ZNF469: variants seen among roughly 807,000 people sequenced by gnomAD.
ZNF469 encodes the protein zinc finger protein 469.
In ZNF469, 1 loss-of-function variant was observed where a neutral mutation model predicts 1.0. The ratio of observed to expected loss-of-function variants is 1.00; its 90% CI spans 0.35 to 4.73. ZNF469 has a LOEUF of 4.73. Ranked by LOEUF, ZNF469 falls within the 30% of genes most tolerant of loss-of-function variation. The pLI is 0.16. For missense variants in ZNF469, 6,100 were observed against 5,356.3 expected, an observed-to-expected ratio of 1.14 and a Z score of -4.33; for synonymous variants, 2,703 against 2,363.4, an observed-to-expected ratio of 1.14 and a Z score of -4.17.
Position 88,436,930 on chromosome 16 carries a change from G to C in ZNF469, c.9460G>C (p.Gly3154Arg). The change falls in exon 3 of 3, where the codon GGC becomes CGC. Residue 3154 changes from glycine (G) to arginine (R), a missense_variant. By Grantham distance (125) the Gly-to-Arg change is moderately radical (BLOSUM62 -2). Coordinates refer to ENST00000565624, the MANE Select transcript of ZNF469 (RefSeq NM_001367624.2). ...TCYMCVERRF[G>R]SRELLRGHLQ... The stretch of plus-strand genomic sequence containing the variant: ...CTACATGTGCGTGGAGCGCAGGTTT[G>C]GCTCGCGGGAGCTGCTGCGGGGGCA... 1 of 1,494,080 alleles carries C rather than the reference G, an allele frequency of 6.7e-7. No individual in the cohort carries two copies. The highest frequency in any genetic ancestry group is 1.3e-5 in the South Asian group (1 of 77,628). 92.6% of individuals were successfully genotyped at this position (1,494,080 alleles called of 1,614,324 possible).
chr16:88,420,859 A>C (rs554446372), intron 1 of ZNF469, among the ~76,000 whole-genome samples: 1 of 152,324 alleles, frequency 6.6e-6, no homozygotes, highest in African/African-American at 2.4e-5. Context: ...CCCACAGTCA[A>C]GGAGTGCGGG....
chr16:88,379,583 G>C (rs2092516076), upstream of ZNF469, among the ~76,000 whole-genome samples: 1 of 152,102 alleles, frequency 6.6e-6, no homozygotes, highest in Non-Finnish European at 1.5e-5. Flanking sequence ...CTGATACCAG[G>C]ATTCTCACCT....
the ZNF469 span, among the ~76,000 whole-genome samples, chr16:88,350,772 G>A: frequency 2.6e-4 from 39 of 152,196 alleles, no homozygotes; most frequent in African/African-American, 8.4e-4. Context: ...AGAGACACGC[G>A]CTGCGGGCTC....
the ZNF469 span, among the ~76,000 whole-genome samples, chr16:88,136,826 G>C: frequency 6.6e-6 from 1 of 152,230 alleles, no homozygotes; most frequent in African/African-American, 2.4e-5. Flanking sequence ...TGAGAGCTCA[G>C]GTCGGTGCAG....
In ZNF469 at chr16:88,438,944, C is replaced by A; in HGVS notation, c.11474C>A (p.Pro3825Gln). 6.4e-7 allele frequency: 1 copy of A among 1,550,560 alleles called. No individual in the cohort carries two copies. The change falls in exon 3 of 3, where the codon CCA becomes CAA. Residue 3825 changes from proline (P) to glutamine (Q), a missense_variant. Pro to Gln is a moderately conservative substitution (Grantham distance 76). Transcript: ENST00000565624. ...TKRKKGQVPG[P>Q]ARSESVGSFG... Reference sequence around the variant, plus strand: ...AGGAAAAAGGGCCAGGTCCCAGGGCCAGCCAGGAGTGAAAGTGTGGGGAGC... The same window carrying A: ...AGGAAAAAGGGCCAGGTCCCAGGGCAAGCCAGGAGTGAAAGTGTGGGGAGC...
the ZNF469 span, among the ~76,000 whole-genome samples, chr16:88,171,597 A>G: frequency 1.3e-5 from 2 of 152,224 alleles, no homozygotes; most frequent in Admixed American, 6.5e-5. Flanking sequence ...CTGTGTCTCC[A>G]TGATCTCCAG....
At chr16:88,109,992 C>T in the ZNF469 span, among the ~76,000 whole-genome samples, 6 of 152,236 alleles carry the variant, frequency 3.9e-5, no homozygotes, top group South Asian at 6.2e-4. Flanking sequence ...GTGGGAGATT[C>T]GAGAAAACTC....
chr16:88,198,932 T>C, the ZNF469 span, among the ~76,000 whole-genome samples: 1 of 152,182 alleles, frequency 6.6e-6, no homozygotes, highest in Non-Finnish European at 1.5e-5. Flanking sequence ...CCCTGGCAAC[T>C]CCAGGGCGGC....
chr16:88,380,458 C>T (rs1162145360), upstream of ZNF469, among the ~76,000 whole-genome samples: 1 of 125,522 alleles, frequency 8.0e-6, no homozygotes, highest in Non-Finnish European at 1.5e-5. Context: ...CACAGACATG[C>T]ACACACACAT....
chr16:88,103,248 C>G, the ZNF469 span, among the ~76,000 whole-genome samples: 1 of 151,802 alleles, frequency 6.6e-6, no homozygotes, highest in Non-Finnish European at 1.5e-5. Flanking sequence ...CTCTTAGGGA[C>G]GCAGAGCTTC....
chr16:88,370,421 G>T, the ZNF469 span, among the ~76,000 whole-genome samples: 1 of 152,158 alleles, frequency 6.6e-6, no homozygotes, highest in Admixed American at 6.5e-5. Context: ...ACAGACAAAG[G>T]TTCCAGAATT....
chr16:88,185,089 A>C, the ZNF469 span, among the ~76,000 whole-genome samples: 13 of 55,002 alleles, frequency 2.4e-4, no homozygotes, highest in African/African-American at 5.3e-4. Flanking sequence ...GCACACCTAG[A>C]CATGGGTACT....
At chr16:88,137,005 T>C in the ZNF469 span, among the ~76,000 whole-genome samples, 1 of 152,254 alleles carries the variant, frequency 6.6e-6, no homozygotes, top group Non-Finnish European at 1.5e-5. Context: ...TACAGTTGTG[T>C]GTGCGTATAG....
At position 88,431,750 on chromosome 16, in the gene ZNF469, C is replaced by G; in HGVS notation, c.4280C>G (p.Pro1427Arg). 6.5e-7 allele frequency: 1 copy of G among 1,550,100 alleles called. No homozygotes were observed. Among genetic ancestry groups the G allele is most frequent in the South Asian group, 1.2e-5 (1 of 84,060 alleles). Residue 1427 changes from proline to arginine, a missense_variant, in exon 3 of 3, where the codon CCA (proline) becomes CGA (arginine). Pro to Arg is a moderately radical substitution (Grantham distance 103). Coordinates refer to ENST00000565624, the MANE Select transcript of ZNF469 (RefSeq NM_001367624.2). ...GGCGAGGATGCCGGTTCCCTCGAGC[C>G]ACAGCTGCCAAGGAGCCCACCTGGC... The part of the protein sequence containing the change: ...QDGEDAGSLE[P>R]QLPRSPPGTA...
the ZNF469 span, among the ~76,000 whole-genome samples, chr16:88,189,878 C>G: frequency 6.6e-6 from 1 of 152,178 alleles, no homozygotes; most frequent in African/African-American, 2.4e-5. This position sits in a 1 kb window ranked among gnomAD's most constrained non-coding sequence, Gnocchi z 4.3. Flanking sequence ...GAGATTGCAC[C>G]ACTGCACTCC....
At chr16:88,346,529 AT>A in the ZNF469 span, among the ~76,000 whole-genome samples, 41 of 152,018 alleles carry the variant, frequency 2.7e-4, no homozygotes, top group African/African-American at 9.9e-4. Context: ...TATTTTTTTT[AT>A]TTTTTAGAGA....
chr16:88,364,202 C>T, the ZNF469 span, among the ~76,000 whole-genome samples: 4 of 152,136 alleles, frequency 2.6e-5, no homozygotes, highest in South Asian at 2.1e-4. Context: ...GATCCAGCAG[C>T]GTTTACTGAA....
At chr16:88,227,504 C>G in the ZNF469 span, among the ~76,000 whole-genome samples, 1 of 85,892 alleles carries the variant, frequency 1.2e-5, no homozygotes, top group Non-Finnish European at 2.7e-5. Context: ...CCCCGTCTCC[C>G]CATCTCCCCA....
At chr16:88,241,082 T>C in the ZNF469 span, among the ~76,000 whole-genome samples, 2 of 152,148 alleles carry the variant, frequency 1.3e-5, no homozygotes, top group Non-Finnish European at 2.9e-5. This position sits in a 1 kb window ranked among gnomAD's most constrained non-coding sequence, Gnocchi z 4.8. Context: ...AAAGTGCTAT[T>C]GTTAGGCCGG....
Sources: gnomAD v4.1 joint callset for allele counts (sites outside exome capture counted in the v4.1 genomes callset) on GRCh38, gnomAD v4.1.1 for gene constraint, Gnocchi (gnomAD v3.1) non-coding constraint, MANE v1.5 for transcripts, NCBI Gene and HGNC (gene_info 2026-07-23, HGNC 2026-07-21) for gene names.